The following PCDH9 variants were observed in gnomAD, a reference collection of about 807,000 sequenced individuals.
PCDH9 encodes the protein protocadherin 9.
A neutral mutation model predicts 70.6 loss-of-function variants in PCDH9; 24 were observed. The ratio of observed to expected loss-of-function variants is 0.34; its 90% CI spans 0.25 to 0.48. The LOEUF is 0.48. Among genes scored for constraint, PCDH9 ranks in the 20% least tolerant of loss-of-function variants. The pLI is 0.99. For missense variants in PCDH9, 1,281 were observed against 1,503.6 expected (o/e 0.85, Z 2.45); for synonymous variants, 562 against 558.5 (o/e 1.01, Z -0.09).
At chr13:66,731,078 T>C (rs1025212761) in intron 3 of PCDH9, among the ~76,000 whole-genome samples, 2 of 151,808 alleles carry the variant, frequency 1.3e-5, no homozygotes, top group Admixed American at 6.6e-5. Context: ...CACAGGGGAA[T>C]GGTTAAATTT....
At chr13:66,802,350 A>G (rs1409015926) in intron 3 of PCDH9, among the ~76,000 whole-genome samples, 2 of 152,078 alleles carry the variant, frequency 1.3e-5, no homozygotes, top group South Asian at 4.1e-4. Flanking sequence ...TTCATACAGG[A>G]TAGTTAAAAG....
intron 3 of PCDH9, among the ~76,000 whole-genome samples, chr13:66,699,864 A>G (rs2078614174): frequency 6.6e-6 from 1 of 152,154 alleles, no homozygotes; most frequent in Non-Finnish European, 1.5e-5. Context: ...AGATATTAAT[A>G]TAAAATATTT....
intron 3 of PCDH9, among the ~76,000 whole-genome samples, chr13:66,775,639 G>T (rs2079878447): frequency 6.6e-6 from 1 of 152,110 alleles, no homozygotes; most frequent in Admixed American, 6.5e-5. Flanking sequence ...TCCTCCTTGT[G>T]ATTTTCTTAA....
chr13:66,837,497 T>C (rs952033107), intron 3 of PCDH9, among the ~76,000 whole-genome samples: 4 of 152,148 alleles, frequency 2.6e-5, no homozygotes, highest in Admixed American at 6.5e-5. Flanking sequence ...GCGCCAACTC[T>C]GAGTTGTTCT....
At position 66,632,633 on chromosome 13, in the gene PCDH9, A is replaced by G. The variant is rs142147130; in HGVS notation, c.3139-1222T>C. On this transcript the variant is annotated intron_variant, in intron 3 of 4. Coordinates refer to ENST00000377865, the MANE Select transcript of PCDH9 (RefSeq NM_203487.3). Reference sequence around the variant, plus strand: ...ACATTTTAATGTTTCCTCAGCACAGATTGGTTTAGTTCTCTTGGAAAATGC... The same window carrying G: ...ACATTTTAATGTTTCCTCAGCACAGGTTGGTTTAGTTCTCTTGGAAAATGC... Among the ~76,000 whole-genome samples the G allele has an allele frequency of 4.2e-3, 633 of 152,214 alleles. 19 individuals are homozygous for G. The East Asian group carries it at 0.08, about 19-fold the overall frequency.
In PCDH9 at chr13:67,190,178, T is replaced by C. The variant is rs201022753; in HGVS notation, c.3036+35227A>G. Among the ~76,000 whole-genome samples, 5 of 152,122 alleles carry C rather than the reference T, an allele frequency of 3.3e-5. No homozygotes were observed. In the East Asian group the frequency reaches 9.6e-4, roughly 29 times the overall value. On this transcript the variant is annotated intron_variant, in intron 2 of 4. Coordinates refer to ENST00000377865, the MANE Select transcript of PCDH9 (RefSeq NM_203487.3). The stretch of plus-strand genomic sequence containing the variant: ...CCTTATTATACAAAGACACTGAGGC[T>C]TAAAGATATTACCTGATTCCTGCCA...
intron 3 of PCDH9, among the ~76,000 whole-genome samples, chr13:66,856,745 C>T (rs1433432219): frequency 1.3e-5 from 2 of 151,946 alleles, no homozygotes; most frequent in Admixed American, 6.6e-5. Flanking sequence ...TTTCAGTAAC[C>T]GTCTTAGCAT....
intron 3 of PCDH9, among the ~76,000 whole-genome samples, chr13:66,760,752 T>C (rs1324152723): frequency 2.6e-5 from 4 of 151,986 alleles, no homozygotes; most frequent in Non-Finnish European, 4.4e-5. Flanking sequence ...ATAGGAGAAA[T>C]ATCACTGAAT....
chr13:67,198,255 T>C (rs2089125016), intron 2 of PCDH9, among the ~76,000 whole-genome samples: 1 of 151,848 alleles, frequency 6.6e-6, no homozygotes, highest in South Asian at 2.1e-4. Context: ...TACCTTAGTA[T>C]GCATCTTAAC....
chr13:67,193,338 C>A (rs767764876), intron 2 of PCDH9, among the ~76,000 whole-genome samples: 1 of 114,762 alleles, frequency 8.7e-6, no homozygotes, highest in Non-Finnish European at 2.1e-5. Flanking sequence ...TTAAAACACA[C>A]ACACACACAC....
intron 2 of PCDH9, among the ~76,000 whole-genome samples, chr13:67,198,963 T>C (rs983968490): frequency 2.6e-5 from 4 of 151,760 alleles, no homozygotes; most frequent in African/African-American, 9.7e-5. Context: ...CTATTTCTAT[T>C]CAAAAATTTA....
rs1159295637 is a variant in PCDH9 at position 66,954,438 on chromosome 13, G to A, written c.3037-50833C>T. Among the ~76,000 whole-genome samples, 5 of 152,118 alleles carry A rather than the reference G, an allele frequency of 3.3e-5. No individual in the cohort carries two copies. The South Asian group carries it at 1.0e-3, about 31-fold the overall frequency. On this transcript the variant is annotated intron_variant, in intron 2 of 4. Coordinates refer to ENST00000377865, the MANE Select transcript of PCDH9 (RefSeq NM_203487.3). ...CTGGGCCCATGGCTCTGCACTTACT[G>A]CATGGACTCCTACAATTTTTTACCC...
chr13:66,867,134 A>T (rs76031514), intron 3 of PCDH9, among the ~76,000 whole-genome samples: 4,995 of 152,194 alleles, frequency 0.033, 270 homozygotes, highest in African/African-American at 0.11. Context: ...ACTAAAAGAT[A>T]AATGATCATT....
intron 4 of PCDH9, among the ~76,000 whole-genome samples, chr13:66,625,143 T>A (rs2077482064): frequency 6.6e-6 from 1 of 152,196 alleles, no homozygotes; most frequent in Non-Finnish European, 1.5e-5. Context: ...AATGATAACT[T>A]TCTTTTAACA....
chr13:66,697,675 T>C (rs2078582640), intron 3 of PCDH9, among the ~76,000 whole-genome samples: 1 of 152,148 alleles, frequency 6.6e-6, no homozygotes, highest in African/African-American at 2.4e-5. Flanking sequence ...AATAGCACTA[T>C]CACTCCCAGT....
chr13:66,730,876 G>GTGT lies in PCDH9; in HGVS notation c.3139-99466_3139-99465insACA, dbSNP rs1555262846. Among the ~76,000 whole-genome samples, 111 of 46,334 alleles carry GTGT rather than the reference G, an allele frequency of 2.4e-3. 11 individuals carry two copies. Among genetic ancestry groups the GTGT allele is most frequent in the African/African-American group, 4.6e-3 (61 of 13,256 alleles). 30.4% of individuals were successfully genotyped at this position (46,334 alleles called of 152,430 possible). ...TGTTTTTGTTTTTTTGTGTGTGTGT[G>GTGT]TTTTTTTTTTGTTTGTTTCTTTTTT... is the stretch of plus-strand genomic sequence containing the variant. On this transcript the variant is annotated intron_variant, in intron 3 of 4. Coordinates refer to ENST00000377865, the MANE Select transcript of PCDH9 (RefSeq NM_203487.3).
intron 4 of PCDH9, among the ~76,000 whole-genome samples, chr13:66,454,918 C>T (rs1263297864): frequency 1.3e-5 from 2 of 152,020 alleles, no homozygotes; most frequent in African/African-American, 4.8e-5. Flanking sequence ...CAAAAATTAT[C>T]AAATTTCAAT....
chr13:66,693,762 TG>T (rs1170447122), intron 3 of PCDH9, among the ~76,000 whole-genome samples: 1 of 152,160 alleles, frequency 6.6e-6, no homozygotes, highest in Admixed American at 6.5e-5. Flanking sequence ...TATTATTAGG[TG>T]GGTCCAGTTA....
chr13:66,381,958 G>A (rs1196761554), intron 4 of PCDH9, among the ~76,000 whole-genome samples: 1 of 151,752 alleles, frequency 6.6e-6, no homozygotes, highest in Non-Finnish European at 1.5e-5. Flanking sequence ...TGTGATAAGG[G>A]ATGTGTAAGA....
Sources: gnomAD v4.1 joint callset for allele counts (sites outside exome capture counted in the v4.1 genomes callset) on GRCh38, gnomAD v4.1.1 for gene constraint, MANE v1.5 for transcripts, NCBI Gene and HGNC (gene_info 2026-07-23, HGNC 2026-07-21) for gene names.